Variants in CBLN2 observed in about 807,000 individuals in gnomAD.
The protein encoded by CBLN2 is cerebellin-2.
In CBLN2, 7 loss-of-function variants were observed where a neutral mutation model predicts 15.0. The ratio of observed to expected loss-of-function variants is 0.47; its 90% CI spans 0.27 to 0.88. CBLN2 has a LOEUF of 0.88. Ranked by LOEUF, CBLN2 falls within the 40% of genes least tolerant of loss-of-function variation. The probability of loss-of-function intolerance (pLI) is 0.14; values close to 1 mark genes in which losing one functional copy is unlikely to be tolerated. For synonymous variants in CBLN2, 149 were observed against 135.2 expected (o/e 1.10, Z -0.71); for missense variants, 242 against 304.5 (o/e 0.79, Z 1.53).
At chr18:72,560,220 T>C (rs1014096162) in intron 1 of CBLN2, among the ~76,000 whole-genome samples, 35 of 152,212 alleles carry the variant, frequency 2.3e-4, no homozygotes. Context: ...GCAGGATGGC[T>C]GGGTTCCTTC....
Position 72,537,048 on chromosome 18 carries a change from T to C in CBLN2, c.*1128A>G, listed in dbSNP as rs17270189. ...ATCCGGAGGAAGAGGAGCTGGTCTGTTGGCTTTGAAGCACCTGATCACTGT... is the reference window on the plus strand; with the variant it reads ...ATCCGGAGGAAGAGGAGCTGGTCTGCTGGCTTTGAAGCACCTGATCACTGT... On this transcript the variant is annotated 3_prime_UTR_variant, in exon 5 of 5. Transcript: ENST00000269503. 0.14 allele frequency: 20,689 copies of C among 152,210 alleles called. 1,619 individuals are homozygous for C. The highest frequency in any genetic ancestry group is 0.21 in the Admixed American group (3,193 of 15,284). The allele number at this position is 152,210 out of a possible 1,614,324, so 9.4% of individuals were successfully genotyped here. A position where few individuals can be genotyped will look rare whatever the true frequency, so the allele number is the denominator to read the frequency against.
intron 3 of CBLN2, among the ~76,000 whole-genome samples, chr18:72,540,681 GA>G (rs112283933): frequency 8.0e-5 from 12 of 150,434 alleles, no homozygotes; most frequent in African/African-American, 2.4e-4. Context: ...CCCCTGCCAA[GA>G]AAAAAAAACC....
At chr18:72,583,635 G>A (rs903776245) in intron 1 of CBLN2, among the ~76,000 whole-genome samples, 22 of 152,056 alleles carry the variant, frequency 1.4e-4, no homozygotes, top group Middle Eastern at 6.8e-3. Flanking sequence ...ATATATACCA[G>A]AAGCTTTAAA....
intron 1 of CBLN2, among the ~76,000 whole-genome samples, chr18:72,615,932 T>A (rs1168510477): frequency 2.6e-5 from 4 of 152,214 alleles, no homozygotes; most frequent in Non-Finnish European, 4.4e-5. Context: ...TAAGGGTTTC[T>A]AACTTTTTTC....
intron 1 of CBLN2, among the ~76,000 whole-genome samples, chr18:72,634,056 AAAT>A (rs869067414): frequency 7.3e-5 from 11 of 150,910 alleles, no homozygotes; most frequent in African/African-American, 1.9e-4. Context: ...TTAAATAAAA[AAAT>A]AAAAATTCAT....
At chr18:72,586,821 T>C (rs1357743704) in intron 1 of CBLN2, among the ~76,000 whole-genome samples, 1 of 152,014 alleles carries the variant, frequency 6.6e-6, no homozygotes, top group Non-Finnish European at 1.5e-5. Flanking sequence ...AAATAGGCCT[T>C]TTGGGGTGTT....
chr18:72,556,258 A>G (rs184346127), intron 1 of CBLN2, among the ~76,000 whole-genome samples: 1 of 152,348 alleles, frequency 6.6e-6, no homozygotes, highest in Admixed American at 6.5e-5. Flanking sequence ...ATGCAGACAC[A>G]AAAAAGAAAA....
chr18:72,543,738 GC>G lies in CBLN2; in HGVS notation c.-211-209del, dbSNP rs968464584. On this transcript the variant is annotated intron_variant, in intron 1 of 4. Coordinates refer to ENST00000269503, the MANE Select transcript of CBLN2 (RefSeq NM_182511.4). The surrounding 1 kb of genome is among the most constrained non-coding windows in gnomAD (Gnocchi z 6.8). ...AACCCCGCGTCTCGCCCGGCTCAGCGCCCCGCGCTGTGCGCCCAGGTGCCTC... is the reference window on the plus strand; with the variant it reads ...AACCCCGCGTCTCGCCCGGCTCAGCGCCCGCGCTGTGCGCCCAGGTGCCTC... 6.6e-6 allele frequency among the ~76,000 whole-genome samples: 1 copy of G among 151,762 alleles called. No homozygotes were observed. Among genetic ancestry groups the G allele is most frequent in the African/African-American group, 2.4e-5 (1 of 41,402 alleles).
At chr18:72,634,798 G>C (rs1449251964) in intron 1 of CBLN2, among the ~76,000 whole-genome samples, 1 of 152,152 alleles carries the variant, frequency 6.6e-6, no homozygotes, top group African/African-American at 2.4e-5. Context: ...CGTAAGAAGA[G>C]TGACAAGTTG....
intron 3 of CBLN2, 121 bp from the exon 4 acceptor site, chr18:72,538,893 C>T: frequency 7.7e-7 from 1 of 1,295,406 alleles, no homozygotes; most frequent in Non-Finnish European, 1.1e-6. Flanking sequence ...ACAAATTCAG[C>T]ATCCTCAGCA....
chr18:72,571,033 A>G (rs1038029078), intron 1 of CBLN2, among the ~76,000 whole-genome samples: 3 of 152,080 alleles, frequency 2.0e-5, no homozygotes, highest in African/African-American at 7.2e-5. Context: ...CATATTATAT[A>G]TGTATGTTTA....
chr18:72,544,304 G>T lies in CBLN2; in HGVS notation c.-539C>A, dbSNP rs1435476995. On this transcript the variant is annotated 5_prime_UTR_variant, in exon 1 of 5. Coordinates refer to ENST00000269503, the MANE Select transcript of CBLN2 (RefSeq NM_182511.4). ...CCGCAGGGCTAGAAGAGGGGCCTCC[G>T]GCCCGGGTCTGTGTGTCTGCTCCTC... 6.6e-6 allele frequency: 1 copy of T among 152,228 alleles called. No homozygotes were observed. Among genetic ancestry groups the T allele is most frequent in the African/African-American group, 2.4e-5 (1 of 41,468 alleles). The allele number at this position is 152,228 out of a possible 1,614,324, so 9.4% of individuals were successfully genotyped here.
At chr18:72,632,239 C>G (rs142780133) in intron 1 of CBLN2, among the ~76,000 whole-genome samples, 10 of 152,134 alleles carry the variant, frequency 6.6e-5, no homozygotes, top group African/African-American at 2.4e-4. Flanking sequence ...ATCATTCATA[C>G]AAATTATAAA....
chr18:72,567,315 T>C (rs2069301641), intron 1 of CBLN2, among the ~76,000 whole-genome samples: 1 of 150,162 alleles, frequency 6.7e-6, no homozygotes, highest in African/African-American at 2.4e-5. Context: ...GTGAATTCTT[T>C]TTAAAAAAAA....
intron 1 of CBLN2, among the ~76,000 whole-genome samples, chr18:72,617,852 CAAAATATA>C (rs1255977434): frequency 6.6e-6 from 1 of 151,408 alleles, no homozygotes; most frequent in African/African-American, 2.4e-5. Context: ...ACCTGGTATG[CAAAATATA>C]CTGGATGAGT....
At chr18:72,591,116 G>C (rs1451627863) in intron 1 of CBLN2, among the ~76,000 whole-genome samples, 1 of 152,110 alleles carries the variant, frequency 6.6e-6, no homozygotes. Context: ...ATCTTCAGCA[G>C]AGTAGAGGAA....
chr18:72,573,965 G>A (rs760849103), intron 1 of CBLN2, among the ~76,000 whole-genome samples: 32 of 152,152 alleles, frequency 2.1e-4, no homozygotes, highest in Middle Eastern at 3.4e-3. Context: ...CCTTATTTTC[G>A]ATTTTCGCCA....
intron 1 of CBLN2, among the ~76,000 whole-genome samples, chr18:72,635,609 A>T (rs1383798844): frequency 6.6e-6 from 1 of 152,204 alleles, no homozygotes; most frequent in African/African-American, 2.4e-5. Context: ...TTTAAGAAAA[A>T]CATCATTTTT....
chr18:72,597,341 A>G (rs1318382291), intron 1 of CBLN2, among the ~76,000 whole-genome samples: 1 of 152,198 alleles, frequency 6.6e-6, no homozygotes, highest in Non-Finnish European at 1.5e-5. Context: ...AGAATTTCTT[A>G]AATTACCAGG....
Sources: allele counts gnomAD v4.1 joint callset (sites outside exome capture counted in the v4.1 genomes callset), GRCh38; gene constraint gnomAD v4.1.1; non-coding constraint Gnocchi (gnomAD v3.1); transcripts MANE v1.5; gene names NCBI Gene and HGNC (gene_info 2026-07-23, HGNC 2026-07-21).